The following PDE4D variants were observed in gnomAD, a reference collection of about 807,000 sequenced individuals.
PDE4D encodes phosphodiesterase 4D, also known as 3',5'-cyclic-AMP phosphodiesterase 4D.
A neutral mutation model predicts 87.4 loss-of-function variants in PDE4D; 24 were observed. The observed-to-expected ratio is 0.27, with a 90% CI of 0.20 to 0.39. PDE4D has a LOEUF of 0.39. Among genes scored for constraint, PDE4D ranks in the 10% least tolerant of loss-of-function variants. PDE4D has a pLI of 1.00. For missense variants in PDE4D, 714 were observed against 1,041.0 expected (o/e 0.69, Z 4.32); for synonymous variants, 384 against 383.2 (o/e 1.00, Z -0.02).
At chr5:59,092,583 C>T (rs1321081949) in intron 5 of PDE4D, among the ~76,000 whole-genome samples, 1 of 152,040 alleles carries the variant, frequency 6.6e-6, no homozygotes, top group Non-Finnish European at 1.5e-5. Flanking sequence ...CATTTTAAAT[C>T]CCTGCTTAAG....
At chr5:59,658,254 C>A (rs569772645) in intron 1 of PDE4D, among the ~76,000 whole-genome samples, 15 of 152,040 alleles carry the variant, frequency 9.9e-5, no homozygotes, top group African/African-American at 2.7e-4. Flanking sequence ...TAAAAAAAAA[C>A]CATGAATCTC....
intron 5 of PDE4D, among the ~76,000 whole-genome samples, chr5:59,140,763 C>A (rs1023564471): frequency 1.3e-5 from 2 of 152,110 alleles, no homozygotes; most frequent in African/African-American, 2.4e-5. Flanking sequence ...GGCAAGCACA[C>A]ATTCTTATCA....
intron 1 of PDE4D, among the ~76,000 whole-genome samples, chr5:60,303,184 C>T (rs1251545010): frequency 6.6e-6 from 1 of 151,852 alleles, no homozygotes; most frequent in East Asian, 1.9e-4. Context: ...GGTATGATGT[C>T]TCTTTTTTCT....
intron 1 of PDE4D, among the ~76,000 whole-genome samples, chr5:59,322,420 T>C (rs1375745090): frequency 2.0e-5 from 3 of 152,060 alleles, no homozygotes; most frequent in African/African-American, 7.2e-5. Context: ...GAGTAGTTTA[T>C]GGGCTCATGT....
intron 1 of PDE4D, among the ~76,000 whole-genome samples, chr5:59,851,913 TGG>T (rs1238381890): frequency 1.3e-5 from 2 of 152,090 alleles, no homozygotes; most frequent in Non-Finnish European, 2.9e-5. Flanking sequence ...GCTAACACCT[TGG>T]TTTCAACCTC....
intron 1 of PDE4D, among the ~76,000 whole-genome samples, chr5:59,891,858 C>A (rs1581623238): frequency 6.6e-6 from 1 of 152,036 alleles, no homozygotes; most frequent in Non-Finnish European, 1.5e-5. Context: ...TCAGTCCAAC[C>A]TACTGTCAAT....
At chr5:59,228,280 G>C (rs1039214573) in intron 1 of PDE4D, among the ~76,000 whole-genome samples, 3 of 151,664 alleles carry the variant, frequency 2.0e-5, no homozygotes, top group Non-Finnish European at 4.4e-5. Context: ...GAGAGAAGAG[G>C]ATCAGAAAAA....
intron 1 of PDE4D, among the ~76,000 whole-genome samples, chr5:59,317,638 G>A (rs1260489158): frequency 5.3e-5 from 8 of 152,154 alleles, no homozygotes; most frequent in Admixed American, 2.0e-4. Context: ...TTTCCCTCGC[G>A]TAAGAACCTG....
chr5:60,499,433 A>G (rs1337735298), intron 1 of PDE4D, among the ~76,000 whole-genome samples: 1 of 152,226 alleles, frequency 6.6e-6, no homozygotes, highest in Admixed American at 6.5e-5. Context: ...AGACCAAGGG[A>G]AAAGTCTGCC....
At chr5:59,294,274 T>C (rs1334110880) in intron 1 of PDE4D, among the ~76,000 whole-genome samples, 1 of 152,162 alleles carries the variant, frequency 6.6e-6, no homozygotes, top group Non-Finnish European at 1.5e-5. Context: ...GCAGGGCCAC[T>C]GCATCTCTGT....
At position 60,470,633 on chromosome 5, in the gene PDE4D, C is replaced by G. The variant is rs1052988727; in HGVS notation, c.-90+17309G>C. On this transcript the variant is annotated intron_variant, in intron 1 of 16. Coordinates refer to the PDE4D transcript ENST00000502484. ...TTAAATTGAAGCCAATTCTCATTTA[C>G]AATTCCAAAAATCCTTAAGCCCTTA... Among the ~76,000 whole-genome samples, 17 of 152,132 alleles carry G rather than the reference C, an allele frequency of 1.1e-4. 1 individual carries two copies. Among genetic ancestry groups the G allele is most frequent in the African/African-American group, 3.9e-4 (16 of 41,434 alleles).
intron 1 of PDE4D, among the ~76,000 whole-genome samples, chr5:59,808,615 A>G (rs1309419466): frequency 6.6e-6 from 1 of 152,024 alleles, no homozygotes; most frequent in Non-Finnish European, 1.5e-5. Flanking sequence ...TGTGTGTGTT[A>G]AAAGCATGGG....
At chr5:59,277,822 G>A (rs1260000880) in intron 1 of PDE4D, among the ~76,000 whole-genome samples, 1 of 152,182 alleles carries the variant, frequency 6.6e-6, no homozygotes, top group Non-Finnish European at 1.5e-5. Flanking sequence ...CCCATGTGCT[G>A]TTCCTTGCTT....
chr5:59,629,431 G>A (rs977443637), intron 1 of PDE4D, among the ~76,000 whole-genome samples: 6 of 152,008 alleles, frequency 3.9e-5, no homozygotes, highest in Admixed American at 3.3e-4. Flanking sequence ...AGAAGACAAA[G>A]AGAAATTTGG....
At chr5:59,450,245 T>C (rs1372874361) in intron 1 of PDE4D, among the ~76,000 whole-genome samples, 1 of 152,248 alleles carries the variant, frequency 6.6e-6, no homozygotes, top group Non-Finnish European at 1.5e-5. Context: ...ATATATTGGC[T>C]AATGTTTTTG....
At chr5:60,442,542 C>A (rs1267550488) in intron 1 of PDE4D, among the ~76,000 whole-genome samples, 2 of 151,908 alleles carry the variant, frequency 1.3e-5, no homozygotes, top group Non-Finnish European at 2.9e-5. Context: ...ATGTAACAAA[C>A]CTGCACGTTC....
intron 1 of PDE4D, among the ~76,000 whole-genome samples, chr5:59,241,750 C>T (rs1757732772): frequency 6.6e-6 from 1 of 152,160 alleles, no homozygotes; most frequent in African/African-American, 2.4e-5. Context: ...GGATTTTACA[C>T]ATATTTTGCT....
intron 5 of PDE4D, among the ~76,000 whole-genome samples, chr5:59,127,605 A>ACCCCCCCC (rs370382085): frequency 4.1e-4 from 14 of 34,408 alleles, no homozygotes; most frequent in South Asian, 1.2e-3. Context: ...TTCCCTCCCC[A>ACCCCCCCC]CCCCCCCACC....
rs535938714 is a variant in PDE4D, at chr5:60,444,672, T to G, written c.-90+43270A>C. 1.8e-4 allele frequency among the ~76,000 whole-genome samples: 28 copies of G among 151,850 alleles called. 1 individual carries two copies. Among genetic ancestry groups the G allele is most frequent in the Admixed American group, 4.6e-4 (7 of 15,226 alleles). The stretch of plus-strand genomic sequence containing the variant: ...GAAGGAATAACATGTAAAAAGGCAC[T>G]GGGGTGTGAAACAGCAGACTGGATA... On this transcript the variant is annotated intron_variant, in intron 1 of 16. Transcript: ENST00000502484.
Sources: gnomAD v4.1 joint callset for allele counts (sites outside exome capture counted in the v4.1 genomes callset) on GRCh38, gnomAD v4.1.1 for gene constraint, MANE v1.5 for transcripts, NCBI Gene and HGNC (gene_info 2026-07-23, HGNC 2026-07-21) for gene names.